Variants in TAB1 observed in about 807,000 individuals in gnomAD.
TAB1 encodes TGF-beta activated kinase 1 (MAP3K7) binding protein 1, also known as TGF-beta-activated kinase 1 and MAP3K7-binding protein 1.
A neutral mutation model predicts 54.5 loss-of-function variants in TAB1; 30 were observed. The observed-to-expected ratio is 0.55, with a 90% CI of 0.41 to 0.75. The LOEUF (loss-of-function observed/expected upper bound fraction) is 0.75, where lower values mean the gene tolerates loss of function less well. Ranked by LOEUF, TAB1 falls within the 30% of genes least tolerant of loss-of-function variation. The pLI is 0.00. For synonymous variants in TAB1, 289 were observed against 286.9 expected (o/e 1.01, Z -0.07); for missense variants, 609 against 683.2 (o/e 0.89, Z 1.21).
intron 1 of TAB1, among the ~76,000 whole-genome samples, chr22:39,413,667 C>T (rs1212350190): frequency 6.6e-6 from 1 of 152,184 alleles, no homozygotes; most frequent in Non-Finnish European, 1.5e-5. Flanking sequence ...TCAAATGGTC[C>T]ACCCACCTCA....
chr22:39,421,803 C>T, intron 7 of TAB1, 24 bp from the exon 8 acceptor site: 1 of 1,613,682 alleles, frequency 6.2e-7, no homozygotes, highest in South Asian at 1.1e-5. Context: ...AAGCAAAGCT[C>T]TTCCTTCCAC....
Position 39,426,727 on chromosome 22 carries a change from G to C in TAB1, c.946G>C (p.Glu316Gln). 2 of 1,607,254 alleles carry C rather than the reference G, an allele frequency of 1.2e-6. No individual in the cohort carries two copies. Among genetic ancestry groups the C allele is most frequent in the Non-Finnish European group, 1.7e-6 (2 of 1,174,364 alleles). Residue 316 changes from glutamate to glutamine, a missense_variant, in exon 9 of 11, where the codon GAG becomes CAG. By Grantham distance (29) the Glu-to-Gln change is conservative. Transcript: ENST00000216160. ...GGAGATTGCTGCGATGATTGACACTGAGTTTGCCAAGCAGACCTCCCTGGA... is the reference window on the plus strand; with the variant it reads ...GGAGATTGCTGCGATGATTGACACTCAGTTTGCCAAGCAGACCTCCCTGGA... The part of the protein sequence containing the change: ...NQEIAAMIDT[E>Q]FAKQTSLDAV...
downstream of TAB1, among the ~76,000 whole-genome samples, chr22:39,434,322 G>T (rs911439748): frequency 6.6e-6 from 1 of 152,270 alleles, no homozygotes. Flanking sequence ...CAGGTACCGG[G>T]TCGATGCTAC....
chr22:39,426,753 C>T lies in TAB1; in HGVS notation c.972C>T (p.Asp324=), dbSNP rs142013173. The T allele has an allele frequency of 4.6e-4, 741 of 1,613,482 alleles. 4 individuals carry two copies. The highest frequency in any genetic ancestry group is 1.2e-3 in the South Asian group (107 of 91,040). Residue 324 remains aspartate (D), a synonymous_variant, in exon 9 of 11, where the codon GAC becomes GAT. Coordinates refer to ENST00000216160, the MANE Select transcript of TAB1 (RefSeq NM_006116.3). ...AGTTTGCCAAGCAGACCTCCCTGGA[C>T]GCAGTGGCCCAGGCCGTCGTGGACC... is the stretch of plus-strand genomic sequence containing the variant. ...DTEFAKQTSL[D]AVAQAVVDRV... is the part of the protein sequence containing the mutation.
rs1190753700 is a variant in TAB1, at chr22:39,431,095, C to T, written c.*873C>T. On this transcript the variant is annotated 3_prime_UTR_variant, in exon 11 of 11. Coordinates refer to ENST00000216160, the MANE Select transcript of TAB1 (RefSeq NM_006116.3). ...TTTACCACTGATGAGGGGCCTCTGCCGGCTGAGGGTAGCAAGCAGGGGTTG... is the reference window on the plus strand; with the variant it reads ...TTTACCACTGATGAGGGGCCTCTGCTGGCTGAGGGTAGCAAGCAGGGGTTG... The T allele has an allele frequency of 3.1e-5, 31 of 985,526 alleles. No homozygotes were observed. The highest frequency in any genetic ancestry group is 5.2e-4 in the Middle Eastern group (1 of 1,936). The allele number at this position is 985,526 out of a possible 1,614,324, so 61.0% of individuals were successfully genotyped here.
rs557489275 is a variant in TAB1 at position 39,431,406 on chromosome 22, C to T, written c.*1184C>T. ...ATCAGTGGGGCAGCCAGAGCTCAGA[C>T]CTGAGCCATTTTGTCAGTATCCAGG... On this transcript the variant is annotated 3_prime_UTR_variant, in exon 11 of 11. Transcript: ENST00000216160. The T allele has an allele frequency of 2.9e-5, 29 of 985,532 alleles. No homozygotes were observed. In the South Asian group the frequency reaches 1.1e-3, roughly 38 times the overall value. The allele number at this position is 985,532 out of a possible 1,614,324, so 61.0% of individuals were successfully genotyped here.
intron 10 of TAB1, among the ~76,000 whole-genome samples, chr22:39,428,670 G>T (rs1049130904): frequency 1.3e-5 from 2 of 152,200 alleles, no homozygotes; most frequent in Non-Finnish European, 2.9e-5. Flanking sequence ...CTGCCTGACA[G>T]GTCTGGAGTA....
chr22:39,430,280 C>G lies in TAB1; in HGVS notation c.*58C>G. On this transcript the variant is annotated 3_prime_UTR_variant, in exon 11 of 11. Coordinates refer to ENST00000216160, the MANE Select transcript of TAB1 (RefSeq NM_006116.3). ...GGCATGGGGCAGGACAGGGTCCAGCCTTTTCCTAACATCTGCCTGTGCCAC... is the reference window on the plus strand; with the variant it reads ...GGCATGGGGCAGGACAGGGTCCAGCGTTTTCCTAACATCTGCCTGTGCCAC... The G allele has an allele frequency of 6.3e-7, 1 of 1,594,124 alleles. No homozygotes were observed. The highest frequency in any genetic ancestry group is 2.2e-5 in the East Asian group (1 of 44,640).
At chr22:39,416,725 G>A in intron 3 of TAB1, 66 bp from the exon 4 acceptor site, 1 of 1,445,852 alleles carries the variant, frequency 6.9e-7, no homozygotes, top group Non-Finnish European at 9.7e-7. Flanking sequence ...GATTAATAGA[G>A]GACATTTTGG....
intron 1 of TAB1, among the ~76,000 whole-genome samples, chr22:39,401,260 A>T (rs1187107039): frequency 6.6e-6 from 1 of 152,160 alleles, no homozygotes; most frequent in Non-Finnish European, 1.5e-5. Context: ...AGAGCCTTGA[A>T]ATTATTCTCC....
intron 8 of TAB1, among the ~76,000 whole-genome samples, chr22:39,425,019 T>G (rs1421164631): frequency 6.6e-5 from 10 of 152,140 alleles, no homozygotes; most frequent in Admixed American, 6.5e-4. Flanking sequence ...CAGTGGGAAC[T>G]GTGCTCCCAT....
At chr22:39,409,552 G>A (rs546934495) in intron 1 of TAB1, among the ~76,000 whole-genome samples, 2 of 152,282 alleles carry the variant, frequency 1.3e-5, no homozygotes, top group South Asian at 2.1e-4. Flanking sequence ...CAGCCTTCTC[G>A]TGCTTCCGTA....
In TAB1 at chr22:39,430,476, T is replaced by C; in HGVS notation, c.*254T>C. On this transcript the variant is annotated 3_prime_UTR_variant, in exon 11 of 11. Transcript: ENST00000216160. The stretch of plus-strand genomic sequence containing the variant: ...CCTCAGCCAGGACCATCGCCCTTTC[T>C]CAGAGCAGAGGGCCAGGTATAGAAA... 1 of 1,381,928 alleles carries C rather than the reference T, an allele frequency of 7.2e-7. No homozygotes were observed. The highest frequency in any genetic ancestry group is 9.4e-7 in the Non-Finnish European group (1 of 1,064,906). 85.6% of individuals were successfully genotyped at this position (1,381,928 alleles called of 1,614,324 possible). A position where few individuals can be genotyped will look rare whatever the true frequency, so the allele number is the denominator to read the frequency against.
chr22:39,416,413 C>CT (rs1469484934), intron 3 of TAB1, among the ~76,000 whole-genome samples: 6 of 152,224 alleles, frequency 3.9e-5, no homozygotes, highest in Non-Finnish European at 8.8e-5. Flanking sequence ...GTTGGACTGT[C>CT]TTACCTAACC....
intron 1 of TAB1, among the ~76,000 whole-genome samples, chr22:39,414,025 G>A (rs1047212178): frequency 6.6e-6 from 1 of 152,220 alleles, no homozygotes; most frequent in African/African-American, 2.4e-5. Flanking sequence ...CTGTGTGAGC[G>A]TGTTTAAAGC....
At chr22:39,405,637 G>A (rs1343034286) in intron 1 of TAB1, among the ~76,000 whole-genome samples, 2 of 152,230 alleles carry the variant, frequency 1.3e-5, no homozygotes, top group African/African-American at 4.8e-5. Context: ...TGGGTGGTTT[G>A]TGTGAATAGA....
chr22:39,429,086 C>T (rs1927474705), intron 10 of TAB1: 1 of 985,446 alleles, frequency 1.0e-6, no homozygotes, highest in Non-Finnish European at 1.2e-6. Flanking sequence ...CAAGGCAGGA[C>T]AACCCACTCT....
At chr22:39,417,689 G>A in intron 4 of TAB1, 22 bp from the exon 5 acceptor site, 2 of 1,592,304 alleles carry the variant, frequency 1.3e-6, no homozygotes, top group Non-Finnish European at 1.7e-6. Context: ...GTCCTGCCCT[G>A]ACCCTCTGTT....
chr22:39,404,319 C>T (rs750267492), intron 1 of TAB1, among the ~76,000 whole-genome samples: 7 of 152,162 alleles, frequency 4.6e-5, no homozygotes, highest in Non-Finnish European at 7.3e-5. Context: ...CATGGTGGCT[C>T]ATGCCTGGAA....
Sources: allele counts gnomAD v4.1 joint callset (sites outside exome capture counted in the v4.1 genomes callset), GRCh38; gene constraint gnomAD v4.1.1; transcripts MANE v1.5; gene names NCBI Gene and HGNC (gene_info 2026-07-23, HGNC 2026-07-21).